LARP1B: variants seen among roughly 807,000 people sequenced by gnomAD.
LARP1B encodes la-related protein 1B.
LARP1B carries 76 observed loss-of-function variants against 114.2 expected under a neutral mutation model. The ratio of observed to expected loss-of-function variants is 0.67; its 90% confidence interval spans 0.55 to 0.81. The LOEUF (loss-of-function observed/expected upper bound fraction) is 0.81. Ranked by LOEUF, LARP1B falls within the 30% of genes least tolerant of loss-of-function variation. The pLI is 0.00. For synonymous variants in LARP1B, 345 were observed against 348.0 expected, an observed-to-expected ratio of 0.99 and a Z score of 0.10; for missense variants, 1,014 against 1,075.8, an observed-to-expected ratio of 0.94 and a Z score of 0.80.
At chr4:128,107,869 T>TTCAGTC in intron 9 of LARP1B, 6 of 1,535,978 alleles carry the variant, frequency 3.9e-6, no homozygotes, top group Non-Finnish European at 5.2e-6. Flanking sequence ...AATGTGTGCT[T>TTCAGTC]AAACTTTTTT....
chr4:128,206,564 C>G, intron 18 of LARP1B, 27 bp downstream of exon 18: 1 of 1,580,352 alleles, frequency 6.3e-7, no homozygotes, highest in Non-Finnish European at 8.6e-7. Context: ...AAAACTTGTA[C>G]TCTAATTGGA....
chr4:128,077,683 TG>T, intron 3 of LARP1B, 104 bp from the exon 4 acceptor site: 1 of 1,208,258 alleles, frequency 8.3e-7, no homozygotes, highest in Non-Finnish European at 1.1e-6. Context: ...TAACAGTTTT[TG>T]TCATTTGTTT....
chr4:128,086,567 G>A (rs953392962), intron 5 of LARP1B, among the ~76,000 whole-genome samples: 1 of 152,038 alleles, frequency 6.6e-6, no homozygotes, highest in East Asian at 1.9e-4. Context: ...GGGCCCAAGC[G>A]ATCTTCCAGC....
chr4:128,101,845 G>T (rs773549631), intron 8 of LARP1B, among the ~76,000 whole-genome samples: 7 of 152,054 alleles, frequency 4.6e-5, no homozygotes, highest in African/African-American at 1.4e-4. Context: ...CTCAGCTGCC[G>T]TTTTTTATGA....
intron 9 of LARP1B, among the ~76,000 whole-genome samples, chr4:128,109,268 T>A (rs1191068886): frequency 6.6e-6 from 1 of 152,204 alleles, no homozygotes; most frequent in Non-Finnish European, 1.5e-5. Context: ...TATGTATCTA[T>A]GAGTAGAGAA....
intron 8 of LARP1B, among the ~76,000 whole-genome samples, chr4:128,101,859 T>C (rs1428666780): frequency 1.3e-5 from 2 of 152,220 alleles, no homozygotes; most frequent in African/African-American, 4.8e-5. Flanking sequence ...TTTATGAAGT[T>C]GTTGCCATTT....
intron 17 of LARP1B, 113 bp from the exon 18 acceptor site, chr4:128,206,315 T>C: frequency 1.7e-6 from 1 of 593,244 alleles, no homozygotes; most frequent in Non-Finnish European, 2.7e-6. Context: ...AAAATCTGAA[T>C]GCTAAAATTT....
chr4:128,127,610 T>G (rs1326631683), intron 11 of LARP1B, among the ~76,000 whole-genome samples: 1 of 152,062 alleles, frequency 6.6e-6, no homozygotes. Context: ...GAGGTGGGTG[T>G]ATTACCTGAG....
chr4:128,137,070 A>G (rs1414547182), intron 11 of LARP1B, among the ~76,000 whole-genome samples: 1 of 152,230 alleles, frequency 6.6e-6, no homozygotes, highest in Non-Finnish European at 1.5e-5. Context: ...AGCTAAGGCA[A>G]TAGGCTTAAA....
chr4:128,175,867 C>T (rs1376836061), intron 12 of LARP1B, among the ~76,000 whole-genome samples: 2 of 151,766 alleles, frequency 1.3e-5, no homozygotes, highest in Non-Finnish European at 1.5e-5. Context: ...ATTTCCCAGG[C>T]TCAGATTATA....
At chr4:128,081,985 C>T (rs749952025) in intron 4 of LARP1B, among the ~76,000 whole-genome samples, 180 bp from the exon 5 acceptor site, 1 of 152,136 alleles carries the variant, frequency 6.6e-6, no homozygotes, top group Non-Finnish European at 1.5e-5. Flanking sequence ...ATCCGCCCAC[C>T]GCGGCCTCCC....
chr4:128,150,686 G>A (rs756023405), intron 11 of LARP1B, among the ~76,000 whole-genome samples: 5 of 151,744 alleles, frequency 3.3e-5, no homozygotes, highest in Non-Finnish European at 5.9e-5. Context: ...CCAAGATTGC[G>A]CCACTGCACT....
rs75334458 is a variant in LARP1B at position 128,188,589 on chromosome 4, G to A, written c.2003+9077G>A. Among the ~76,000 whole-genome samples, 1,270 of 152,062 alleles carry A rather than the reference G, an allele frequency of 8.4e-3. 22 individuals carry two copies. The highest frequency in any genetic ancestry group is 0.029 in the African/African-American group (1,214 of 41,464). On this transcript the variant is annotated intron_variant, in intron 15 of 19. Coordinates refer to ENST00000326639, the MANE Select transcript of LARP1B (RefSeq NM_018078.4). ...CTTTTCTAGTTCTTTTAAGTACATCGTTAGGTTGCTTATTTGAAACCTACT... is the reference window on the plus strand; with the variant it reads ...CTTTTCTAGTTCTTTTAAGTACATCATTAGGTTGCTTATTTGAAACCTACT...
chr4:128,155,437 G>A (rs1166466707), intron 11 of LARP1B: 3 of 704,494 alleles, frequency 4.3e-6, no homozygotes, highest in Non-Finnish European at 7.6e-6. Flanking sequence ...GAATGGCGTG[G>A]GTATGGCGAC....
intron 1 of LARP1B, among the ~76,000 whole-genome samples, chr4:128,065,509 G>A (rs1762470504): frequency 6.6e-6 from 1 of 151,692 alleles, no homozygotes; most frequent in Non-Finnish European, 1.5e-5. Context: ...ATTTTCTTAA[G>A]CAAATTTACA....
intron 5 of LARP1B, among the ~76,000 whole-genome samples, chr4:128,083,627 C>T (rs1332603674): frequency 2.1e-5 from 3 of 144,130 alleles, no homozygotes; most frequent in African/African-American, 7.7e-5. Flanking sequence ...GGGTGCTGAC[C>T]CCCCCACCTC....
chr4:128,206,630 C>T (rs1461537290), intron 18 of LARP1B, 93 bp downstream of exon 18: 64 of 1,476,200 alleles, frequency 4.3e-5, no homozygotes, highest in Non-Finnish European at 5.2e-5. Context: ...TTTTTTTCTT[C>T]AGGGCAAACC....
At chr4:128,087,595 A>G (rs887826629) in intron 5 of LARP1B, among the ~76,000 whole-genome samples, 1 of 152,218 alleles carries the variant, frequency 6.6e-6, no homozygotes, top group Non-Finnish European at 1.5e-5. Flanking sequence ...GGAGATGTTG[A>G]CGCTTTATCA....
chr4:128,182,111 C>CTTT lies in LARP1B; in HGVS notation c.2003+2617_2003+2619dup, dbSNP rs35344280. Among the ~76,000 whole-genome samples the CTTT allele has an allele frequency of 2.3e-3, 265 of 113,172 alleles. 72 individuals carry two copies. Among genetic ancestry groups the CTTT allele is most frequent in the Admixed American group, 2.1e-3 (22 of 10,280 alleles). The allele number at this position is 113,172 out of a possible 152,430, so 74.2% of individuals were successfully genotyped here. A position where few individuals can be genotyped will look rare whatever the true frequency, so the allele number is the denominator to read the frequency against. ...ACAGGCATGAGCCACTGCACCCGGCCTTTTTTTTTTTTTTTTTTTTGAGAC... is the reference window on the plus strand; with the variant it reads ...ACAGGCATGAGCCACTGCACCCGGCCTTTTTTTTTTTTTTTTTTTTTTTGAGAC... On this transcript the variant is annotated intron_variant, in intron 15 of 19. Transcript: ENST00000326639.
Sources: allele counts gnomAD v4.1 joint callset (sites outside exome capture counted in the v4.1 genomes callset), GRCh38; gene constraint gnomAD v4.1.1; transcripts MANE v1.5; gene names NCBI Gene and HGNC (gene_info 2026-07-23, HGNC 2026-07-21).